The following CASP10 variants were observed in gnomAD, a reference collection of about 807,000 sequenced individuals.
CASP10 encodes caspase 10.
In CASP10, 41 loss-of-function variants were observed where a neutral mutation model predicts 48.5. The observed-to-expected ratio is 0.85, with a 90% CI of 0.66 to 1.10. The LOEUF is 1.10. CASP10 is among the 50% of genes least tolerant of loss of function. The pLI, the probability that CASP10 is intolerant of heterozygous loss-of-function variation, is 0.00. For missense variants in CASP10, 614 were observed against 614.5 expected (o/e 1.00, Z 0.01); for synonymous variants, 232 against 238.4 (o/e 0.97, Z 0.25).
At chr2:201,196,145 G>A (rs1559299780) in intron 5 of CASP10, 197 bp downstream of exon 5, 1 of 548,652 alleles carries the variant, frequency 1.8e-6, no homozygotes, top group Non-Finnish European at 3.3e-6. Flanking sequence ...TTAACAGTTG[G>A]CTGACACTAG....
At chr2:201,189,531 C>T (rs951143897) in intron 3 of CASP10, among the ~76,000 whole-genome samples, 2 of 152,100 alleles carry the variant, frequency 1.3e-5, no homozygotes, top group Admixed American at 6.6e-5. Context: ...TCCCAAAGTT[C>T]TGGGGATTAC....
exon 10 of CASP10, chr2:201,229,025 C>G (rs149458030): frequency 3.1e-6 from 5 of 1,614,070 alleles, no homozygotes; most frequent in Non-Finnish European, 4.2e-6. Flanking sequence ...TCCCTGCCCA[C>G]GGCCATCTCT....
chr2:201,187,815 A>G lies in CASP10; in HGVS notation c.441+16A>G, dbSNP rs375279660. ...AACTGAAATGGTGAGTGGGTCATAC[A>G]GAATGGGTCTGTGTGAGCACTGTCT... On this transcript the variant is annotated intron_variant, in intron 3 of 9. Coordinates refer to ENST00000286186, the MANE Select transcript of CASP10 (RefSeq NM_032977.4). 6.4e-7 allele frequency: 1 copy of G among 1,567,304 alleles called. No individual in the cohort carries two copies. Among genetic ancestry groups the G allele is most frequent in the South Asian group, 1.1e-5 (1 of 90,170 alleles).
chr2:201,189,528 G>A (rs989131232), intron 3 of CASP10, among the ~76,000 whole-genome samples: 3 of 152,056 alleles, frequency 2.0e-5, no homozygotes, highest in Admixed American at 6.6e-5. Flanking sequence ...GCCTCCCAAA[G>A]TTCTGGGGAT....
At chr2:201,186,157 T>TC in intron 2 of CASP10, 33 bp downstream of exon 2, 24 of 1,459,010 alleles carry the variant, frequency 1.6e-5, no homozygotes, top group Non-Finnish European at 2.1e-5. Flanking sequence ...GATGGGAGGA[T>TC]CTCCCATCTA....
At chr2:201,193,521 T>C (rs764963858) in intron 4 of CASP10, 7 of 237,454 alleles carry the variant, frequency 2.9e-5, no homozygotes, top group African/African-American at 4.5e-5. Context: ...GCATGATGTT[T>C]ACTCATCATT....
rs747904119 is a variant in CASP10, at chr2:201,188,202, C to T, written c.441+403C>T. Among the ~76,000 whole-genome samples, 18 of 151,740 alleles carry T rather than the reference C, an allele frequency of 1.2e-4. 1 individual carries two copies. Among genetic ancestry groups the T allele is most frequent in the African/African-American group, 2.4e-4 (10 of 41,296 alleles). ...TTTTTGTTTTTGTTTTTTTTTGAGA[C>T]GAAGTCTTGCCTTGTTGCCCAGGCT... is the stretch of plus-strand genomic sequence containing the variant. On this transcript the variant is annotated intron_variant, in intron 3 of 9. Coordinates refer to ENST00000286186, the MANE Select transcript of CASP10 (RefSeq NM_032977.4).
At position 201,209,055 on chromosome 2, in the gene CASP10, T is replaced by C. The variant is rs570693324; in HGVS notation, c.923-15T>C. On this transcript the variant is annotated splice_polypyrimidine_tract_variant and intron_variant, in intron 8 of 9. Transcript: ENST00000286186. ...TCTCTCTCTCTCTTTTTTTTTTTTT[T>C]TTGTTTTTAAACAGAGATCCTGAGT... 1.9e-6 allele frequency: 3 copies of C among 1,603,900 alleles called. 1 individual carries two copies. The South Asian group carries it at 3.3e-5, about 18-fold the overall frequency.
rs377760707 is a variant in CASP10, at chr2:201,209,041, C to CTT, written c.923-14_923-13dup. The stretch of plus-strand genomic sequence containing the variant: ...ATTTCCCCTTTCTCTCTCTCTCTCT[C>CTT]TTTTTTTTTTTTTTTTGTTTTTAAA... On this transcript the variant is annotated intron_variant, in intron 8 of 9. Transcript: ENST00000286186. The CTT allele has an allele frequency of 9.9e-3, 12,957 of 1,314,170 alleles. 17 individuals are homozygous for CTT. Among genetic ancestry groups the CTT allele is most frequent in the South Asian group, 0.015 (1,035 of 68,544 alleles). 81.4% of individuals were successfully genotyped at this position (1,314,170 alleles called of 1,614,324 possible). A position where few individuals can be genotyped will look rare whatever the true frequency, so the allele number is the denominator to read the frequency against.
intron 3 of CASP10, among the ~76,000 whole-genome samples, chr2:201,188,020 A>G (rs41523445): frequency 1.3e-5 from 2 of 151,936 alleles, no homozygotes; most frequent in African/African-American, 2.4e-5. Flanking sequence ...CTGAGTCTCT[A>G]TTTTCTTAGA....
intron 9 of CASP10, among the ~76,000 whole-genome samples, chr2:201,209,813 T>G (rs779479890): frequency 1.3e-5 from 2 of 151,998 alleles, no homozygotes; most frequent in South Asian, 4.1e-4. Flanking sequence ...CCAGCAACCT[T>G]GTATTGAGTA....
chr2:201,191,565 G>T (rs112643579), intron 3 of CASP10, among the ~76,000 whole-genome samples: 1 of 152,166 alleles, frequency 6.6e-6, no homozygotes, highest in Non-Finnish European at 1.5e-5. Flanking sequence ...GCTCAGTGAG[G>T]CTGCATTATC....
downstream of CASP10, among the ~76,000 whole-genome samples, chr2:201,222,362 G>A (rs1459683635): frequency 6.6e-6 from 1 of 151,848 alleles, no homozygotes; most frequent in African/African-American, 2.4e-5. Flanking sequence ...GATTACAGGT[G>A]TGCACCACCA....
chr2:201,186,689 G>A (rs188875357), intron 2 of CASP10, among the ~76,000 whole-genome samples: 1 of 152,164 alleles, frequency 6.6e-6, no homozygotes, highest in African/African-American at 2.4e-5. Flanking sequence ...GGATGACAGC[G>A]TTTTATTTTT....
intron 5 of CASP10, among the ~76,000 whole-genome samples, chr2:201,200,137 T>A (rs1041888429): frequency 6.6e-6 from 1 of 152,228 alleles, no homozygotes; most frequent in Non-Finnish European, 1.5e-5. Flanking sequence ...TTCGTGATGC[T>A]AATTTTGATT....
intron 1 of CASP10, among the ~76,000 whole-genome samples, chr2:201,185,135 G>C (rs1944369698): frequency 6.6e-6 from 1 of 152,144 alleles, no homozygotes; most frequent in South Asian, 2.1e-4. Flanking sequence ...TGGGACCACA[G>C]GCATGTGCCA....
At chr2:201,228,673 C>G (rs1170100055) in intron 9 of CASP10, among the ~76,000 whole-genome samples, 3 of 152,200 alleles carry the variant, frequency 2.0e-5, no homozygotes, top group Non-Finnish European at 4.4e-5. Context: ...CTTGAGTTAT[C>G]ATCTTGAAAC....
chr2:201,212,467 G>C (rs1409883109), intron 9 of CASP10: 4 of 152,188 alleles, frequency 2.6e-5, no homozygotes, highest in African/African-American at 9.6e-5. Flanking sequence ...GAAGAAGGTT[G>C]GGGGTAGGGT....
chr2:201,211,470 CAT>C (rs1945393024), intron 9 of CASP10, among the ~76,000 whole-genome samples: 1 of 152,204 alleles, frequency 6.6e-6, no homozygotes, highest in South Asian at 2.1e-4. Context: ...AAAGATTCCA[CAT>C]GAGTGAGAAC....
Sources: allele counts gnomAD v4.1 joint callset (sites outside exome capture counted in the v4.1 genomes callset), GRCh38; gene constraint gnomAD v4.1.1; transcripts MANE v1.5; gene names NCBI Gene and HGNC (gene_info 2026-07-23, HGNC 2026-07-21).